The following ADAM2 variants were observed in gnomAD, a reference collection of about 807,000 sequenced individuals.
The protein encoded by ADAM2 is ADAM metallopeptidase domain 2.
ADAM2 carries 101 observed loss-of-function variants against 99.3 expected under a neutral mutation model. That is an observed-to-expected ratio of 1.02 (90% CI 0.87 to 1.20). The LOEUF is 1.20. Among genes scored for constraint, ADAM2 ranks in the 50% most tolerant of loss-of-function variants. The pLI, the probability that ADAM2 is intolerant of heterozygous loss-of-function variation, is 0.00. For missense variants in ADAM2, 948 were observed against 878.7 expected (o/e 1.08, Z -1.00); for synonymous variants, 323 against 287.6 (o/e 1.12, Z -1.25).
chr8:39,829,756 A>G (rs897376289), intron 3 of ADAM2, among the ~76,000 whole-genome samples: 1 of 152,044 alleles, frequency 6.6e-6, no homozygotes, highest in African/African-American at 2.4e-5. Flanking sequence ...GATGAAATAA[A>G]TTGTTGTATA....
chr8:39,834,075 A>G (rs1171766384), intron 2 of ADAM2, 76 bp from the exon 3 acceptor site: 3 of 763,762 alleles, frequency 3.9e-6, no homozygotes, highest in Non-Finnish European at 4.4e-6. Context: ...TTTTACATTA[A>G]TGATAATTGC....
chr8:39,776,944 A>T, intron 11 of ADAM2, 81 bp downstream of exon 11: 1 of 898,590 alleles, frequency 1.1e-6, no homozygotes, highest in Non-Finnish European at 1.7e-6. Flanking sequence ...ATTATTATTT[A>T]ACAACTTAAA....
chr8:39,817,732 CA>C (rs932047149), intron 6 of ADAM2, among the ~76,000 whole-genome samples: 10 of 150,410 alleles, frequency 6.6e-5, no homozygotes, highest in African/African-American at 2.2e-4. Context: ...TCTGACCACA[CA>C]AAAAAGAAAA....
At chr8:39,796,002 G>A (rs915662521) in intron 7 of ADAM2, among the ~76,000 whole-genome samples, 3 of 151,882 alleles carry the variant, frequency 2.0e-5, no homozygotes, top group Non-Finnish European at 4.4e-5. Flanking sequence ...AAGCTGTAGA[G>A]AGAAAAAGAA....
chr8:39,819,147 G>A (rs1259572254), intron 6 of ADAM2, among the ~76,000 whole-genome samples: 3 of 151,990 alleles, frequency 2.0e-5, no homozygotes, highest in Non-Finnish European at 2.9e-5. Context: ...AAATACAGTA[G>A]TAAAGAAAAC....
In ADAM2 at chr8:39,788,128, A is replaced by C; in HGVS notation, c.766T>G (p.Ser256Ala). The C allele has an allele frequency of 2.5e-6, 4 of 1,575,810 alleles. No individual in the cohort carries two copies. The highest frequency in any genetic ancestry group is 3.4e-6 in the Non-Finnish European group (4 of 1,163,478). The change falls in exon 9 of 21, where the codon TCT becomes GCT. Residue 256 changes from serine to alanine, a missense_variant. Transcript: ENST00000265708. ...TCATGAGGACGTAAAACAAGATAAGATGTTTTCCATCTTAAAAATGTGTGT... is the reference window on the plus strand; with the variant it reads ...TCATGAGGACGTAAAACAAGATAAGCTGTTTTCCATCTTAAAAATGTGTGT... ...LLHTFLRWKT[S>A]YLVLRPHDVA... is the part of the protein sequence containing the mutation.
At chr8:39,783,279 T>C (rs1803307773) in intron 10 of ADAM2, among the ~76,000 whole-genome samples, 1 of 152,210 alleles carries the variant, frequency 6.6e-6, no homozygotes, top group South Asian at 2.1e-4. Context: ...ATTAGCAATG[T>C]TTCTCTTTGG....
At position 39,821,154 on chromosome 8, in the gene ADAM2, C is replaced by A. The variant is rs767769376; in HGVS notation, c.361G>T (p.Glu121Ter). Residue 121 changes from glutamate to a stop codon, truncating the protein, a stop_gained, in exon 6 of 21, where the codon GAA becomes TAA. Coordinates refer to ENST00000265708, the MANE Select transcript of ADAM2 (RefSeq NM_001464.5). LOFTEE classifies it high-confidence loss of function. Reference sequence around the variant, plus strand: ...GGTTCTATTCCATAACTAACATTTTCAAACTGTAGTACGCCCCTAAAAATT... The same window carrying A: ...GGTTCTATTCCATAACTAACATTTTAAAACTGTAGTACGCCCCTAAAAATT... ...CTGLRGVLQF[E>*]NVSYGIEPLE... 1 of 1,597,316 alleles carries A rather than the reference C, an allele frequency of 6.3e-7. No homozygotes were observed. The highest frequency in any genetic ancestry group is 1.1e-5 in the South Asian group (1 of 87,328).
At chr8:39,745,111 GAT>G (rs1349930591) in intron 19 of ADAM2, among the ~76,000 whole-genome samples, 2 of 152,086 alleles carry the variant, frequency 1.3e-5, no homozygotes, top group Non-Finnish European at 2.9e-5. Flanking sequence ...AAAGCACAGT[GAT>G]ATATGTTTAC....
chr8:39,788,825 G>T, intron 7 of ADAM2, 85 bp from the exon 8 acceptor site: 1 of 687,350 alleles, frequency 1.5e-6, no homozygotes, highest in Non-Finnish European at 2.2e-6. Context: ...AATTCAATTT[G>T]GTGAAGTAAT....
At chr8:39,768,583 A>C (rs1239080699) in intron 12 of ADAM2, among the ~76,000 whole-genome samples, 1 of 152,186 alleles carries the variant, frequency 6.6e-6, no homozygotes, top group Non-Finnish European at 1.5e-5. Context: ...ATATTCAAAA[A>C]CCACAAATGT....
rs778910492 is a variant in ADAM2, at chr8:39,766,950, G to T, written c.1405C>A (p.His469Asn). Residue 469 changes from histidine to asparagine, a missense_variant, in exon 14 of 21, where the codon CAC becomes AAC. Transcript: ENST00000265708. The stretch of plus-strand genomic sequence containing the variant: ...CACGGATGCCCAGTCTGAACATAGT[G>T]GTTTTCTGGGCATGATGCAGATGAT... ...NGSSASCPEN[H>N]YVQTGHPCGL... The T allele has an allele frequency of 6.2e-7, 1 of 1,614,060 alleles. No individual in the cohort carries two copies. Among genetic ancestry groups the T allele is most frequent in the Non-Finnish European group, 8.5e-7 (1 of 1,179,960 alleles).
chr8:39,821,343 T>C (rs1222601707), intron 5 of ADAM2, among the ~76,000 whole-genome samples, 173 bp from the exon 6 acceptor site: 2 of 152,182 alleles, frequency 1.3e-5, no homozygotes, highest in South Asian at 2.1e-4. Context: ...TGACACCGCA[T>C]AGTAATGCTG....
intron 7 of ADAM2, among the ~76,000 whole-genome samples, chr8:39,794,138 G>T (rs1803838575): frequency 1.3e-5 from 2 of 152,088 alleles, no homozygotes; most frequent in African/African-American, 2.4e-5. Flanking sequence ...TAAAATTTTA[G>T]ACTAAAAACT....
At chr8:39,788,424 C>T (rs1803567090) in intron 8 of ADAM2, among the ~76,000 whole-genome samples, 173 bp from the exon 9 acceptor site, 1 of 151,728 alleles carries the variant, frequency 6.6e-6, no homozygotes, top group African/African-American at 2.4e-5. Context: ...AAAAGTAATA[C>T]TTGAGATTTT....
At chr8:39,782,834 T>C (rs1379500112) in intron 10 of ADAM2, among the ~76,000 whole-genome samples, 1 of 152,172 alleles carries the variant, frequency 6.6e-6, no homozygotes, top group Non-Finnish European at 1.5e-5. Flanking sequence ...TGAGCTTTGA[T>C]GATTTTCTTC....
chr8:39,830,814 T>C (rs952462587), intron 3 of ADAM2, among the ~76,000 whole-genome samples: 4 of 152,196 alleles, frequency 2.6e-5, no homozygotes, highest in Non-Finnish European at 4.4e-5. Context: ...ATGTCAGTGT[T>C]TGTTTCATCC....
At chr8:39,815,986 A>G (rs778526942) in intron 6 of ADAM2, among the ~76,000 whole-genome samples, 12 of 152,096 alleles carry the variant, frequency 7.9e-5, no homozygotes, top group Non-Finnish European at 1.8e-4. Flanking sequence ...ATGACTGGTA[A>G]TAAATGTTGA....
chr8:39,784,712 G>T (rs543740442), intron 10 of ADAM2, among the ~76,000 whole-genome samples: 1 of 152,212 alleles, frequency 6.6e-6, no homozygotes, highest in African/African-American at 2.4e-5. Context: ...AAATAAACAA[G>T]CCAAATTCCA....
Sources: gnomAD v4.1 joint callset for allele counts (sites outside exome capture counted in the v4.1 genomes callset) on GRCh38, gnomAD v4.1.1 for gene constraint, MANE v1.5 for transcripts, NCBI Gene and HGNC (gene_info 2026-07-23, HGNC 2026-07-21) for gene names.